STAG1: variants seen among roughly 807,000 people sequenced by gnomAD.
STAG1 encodes the protein cohesin subunit SA-1.
A neutral mutation model predicts 170.9 loss-of-function variants in STAG1; 26 were observed. That is an observed-to-expected ratio of 0.15 (90% CI 0.11 to 0.21). The LOEUF is 0.21. Among genes scored for constraint, STAG1 ranks in the 10% least tolerant of loss-of-function variants. STAG1 has a pLI of 1.00. For missense variants in STAG1, 964 were observed against 1,509.5 expected (o/e 0.64, Z 5.99); for synonymous variants, 514 against 497.7 (o/e 1.03, Z -0.44).
chr3:136,486,055 A>G (rs2090005236), intron 9 of STAG1, among the ~76,000 whole-genome samples: 1 of 152,296 alleles, frequency 6.6e-6, no homozygotes, highest in South Asian at 2.1e-4. Flanking sequence ...ACCCATTAGC[A>G]CATTATAAAA....
At chr3:136,685,177 G>A (rs111311105) in intron 1 of STAG1, among the ~76,000 whole-genome samples, 11,887 of 152,120 alleles carry the variant, frequency 0.078, 485 homozygotes, top group Non-Finnish European at 0.094. Context: ...TTAGCCGGAT[G>A]TGGTGGCACA....
At position 136,536,218 on chromosome 3, in the gene STAG1, G is replaced by T. The variant is rs574830844; in HGVS notation, c.471+5901C>A. 2.6e-5 allele frequency among the ~76,000 whole-genome samples: 4 copies of T among 152,064 alleles called. No individual in the cohort carries two copies. The South Asian group carries it at 8.3e-4, about 31-fold the overall frequency. On this transcript the variant is annotated intron_variant, in intron 6 of 33. Transcript: ENST00000383202. ...GGAGAGGTCTGACTCAATCTAAAAA[G>T]ATTATCCCAGATTAAGAGAATATAA...
chr3:136,391,041 AGAG>A (rs1484494953), intron 22 of STAG1, among the ~76,000 whole-genome samples: 3 of 152,206 alleles, frequency 2.0e-5, no homozygotes, highest in Non-Finnish European at 4.4e-5. Context: ...TGGAATTTTC[AGAG>A]GAGAACCTTT....
chr3:136,639,981 G>A (rs1412559548), intron 1 of STAG1, among the ~76,000 whole-genome samples: 1 of 151,984 alleles, frequency 6.6e-6, no homozygotes, highest in African/African-American at 2.4e-5. Flanking sequence ...AAGCTTAAAG[G>A]CCTTATCTAA....
At chr3:136,567,099 CA>C (rs1937108289) in intron 5 of STAG1, among the ~76,000 whole-genome samples, 1 of 150,946 alleles carries the variant, frequency 6.6e-6, no homozygotes, top group South Asian at 2.1e-4. Context: ...GACAGAAAGG[CA>C]AAGACTTCTT....
intron 9 of STAG1, among the ~76,000 whole-genome samples, chr3:136,480,711 G>C (rs1288875363): frequency 1.6e-5 from 1 of 63,078 alleles, no homozygotes; most frequent in Non-Finnish European, 3.6e-5. Context: ...CTACCCATGA[G>C]CATGGAATGT....
At chr3:136,488,381 C>T (rs1222036696) in intron 9 of STAG1, among the ~76,000 whole-genome samples, 3 of 152,200 alleles carry the variant, frequency 2.0e-5, no homozygotes, top group Admixed American at 1.3e-4. Context: ...CCTTGGCCTC[C>T]CAAAGGGCTG....
intron 27 of STAG1, among the ~76,000 whole-genome samples, chr3:136,358,637 C>T (rs1936745417): frequency 6.6e-6 from 1 of 152,106 alleles, no homozygotes; most frequent in Non-Finnish European, 1.5e-5. Context: ...GGCAGTGGTA[C>T]AATCATAGCT....
chr3:136,538,312 TGGAA>T (rs1935739348), intron 6 of STAG1, among the ~76,000 whole-genome samples: 1 of 151,976 alleles, frequency 6.6e-6, no homozygotes, highest in Admixed American at 6.6e-5. Context: ...TTACCAAGGG[TGGAA>T]GGAAGAAATC....
Position 136,337,254 on chromosome 3 carries a change from T to TGTTA in STAG1, c.*996_*999dup, listed in dbSNP as rs1935718614. 1 of 152,662 alleles carries TGTTA rather than the reference T, an allele frequency of 6.6e-6. No individual in the cohort carries two copies. The highest frequency in any genetic ancestry group is 2.1e-4 in the South Asian group (1 of 4,836). 9.5% of individuals were successfully genotyped at this position (152,662 alleles called of 1,614,324 possible). A position where few individuals can be genotyped will look rare whatever the true frequency, so the allele number is the denominator to read the frequency against. On this transcript the variant is annotated 3_prime_UTR_variant, in exon 34 of 34. Coordinates refer to ENST00000383202, the MANE Select transcript of STAG1 (RefSeq NM_005862.3). ...AGTGCATGGGAAGTAAACACAGTTA[T>TGTTA]GTTACACTTAAAATTACTTTTGAAT...
chr3:136,698,364 G>C (rs769787912), intron 1 of STAG1, among the ~76,000 whole-genome samples: 3 of 151,970 alleles, frequency 2.0e-5, no homozygotes, highest in Admixed American at 6.6e-5. Flanking sequence ...CTCAAAAGAA[G>C]ATATACAGCT....
chr3:136,742,013 T>C (rs192065290), intron 1 of STAG1, among the ~76,000 whole-genome samples: 182 of 152,214 alleles, frequency 1.2e-3, no homozygotes, highest in African/African-American at 2.5e-3. Context: ...TAATCATAAG[T>C]TGTACATGTC....
intron 23 of STAG1, 30 bp downstream of exon 23, chr3:136,377,630 T>C: frequency 3.8e-6 from 6 of 1,565,308 alleles, no homozygotes; most frequent in Non-Finnish European, 5.3e-6. Flanking sequence ...GAGTTGATTT[T>C]ATTGAGAGCT....
At chr3:136,668,395 T>C (rs1941876902) in intron 1 of STAG1, among the ~76,000 whole-genome samples, 1 of 146,172 alleles carries the variant, frequency 6.8e-6, no homozygotes, top group Admixed American at 6.9e-5. Flanking sequence ...ATATAAAATA[T>C]ATATTATGTA....
chr3:136,490,729 A>T (rs1286545879), intron 9 of STAG1, among the ~76,000 whole-genome samples: 5 of 152,208 alleles, frequency 3.3e-5, no homozygotes, highest in Non-Finnish European at 5.9e-5. Flanking sequence ...GTATAAGAAT[A>T]GCTCTGAAAA....
At chr3:136,544,014 A>C (rs1048751658) in intron 5 of STAG1, among the ~76,000 whole-genome samples, 1 of 152,132 alleles carries the variant, frequency 6.6e-6, no homozygotes, top group Non-Finnish European at 1.5e-5. Context: ...ATACTGTTTC[A>C]AGAGACGAGC....
intron 1 of STAG1, among the ~76,000 whole-genome samples, chr3:136,721,993 G>A (rs1403889369): frequency 6.6e-6 from 1 of 151,888 alleles, no homozygotes; most frequent in African/African-American, 2.4e-5. Context: ...AGGCCAAGAA[G>A]GACAGATCGC....
At chr3:136,399,323 G>C (rs947594871) in intron 21 of STAG1, among the ~76,000 whole-genome samples, 2 of 152,002 alleles carry the variant, frequency 1.3e-5, no homozygotes, top group African/African-American at 4.8e-5. Flanking sequence ...CCCACATCAA[G>C]AAATAAAACA....
chr3:136,709,773 G>A (rs1426033669), intron 1 of STAG1, among the ~76,000 whole-genome samples: 2 of 151,610 alleles, frequency 1.3e-5, no homozygotes, highest in East Asian at 1.9e-4. Flanking sequence ...GGTAGCTCAT[G>A]CCTGTAATCC....
Sources: allele counts gnomAD v4.1 joint callset (sites outside exome capture counted in the v4.1 genomes callset), GRCh38; gene constraint gnomAD v4.1.1; transcripts MANE v1.5; gene names NCBI Gene and HGNC (gene_info 2026-07-23, HGNC 2026-07-21).